The following SIRPD variants were observed in gnomAD, a reference collection of about 807,000 sequenced individuals.
SIRPD encodes the protein signal-regulatory protein delta.
Under a neutral mutation model 18.0 loss-of-function variants are expected in SIRPD, and 21 were observed. The ratio of observed to expected loss-of-function variants is 1.17; its 90% CI spans 0.83 to 1.68. The LOEUF is 1.68. Ranked by LOEUF, SIRPD falls within the 40% of genes most tolerant of loss-of-function variation. The pLI is 0.00. For missense variants in SIRPD, 295 were observed against 238.4 expected (o/e 1.24, Z -1.56); for synonymous variants, 106 against 92.9 (o/e 1.14, Z -0.81).
intron 2 of SIRPD, among the ~76,000 whole-genome samples, chr20:1,544,418 GA>G (rs2090984731): frequency 6.7e-6 from 1 of 149,028 alleles, no homozygotes; most frequent in South Asian, 2.1e-4. Flanking sequence ...TTTTATCAGA[GA>G]CTAGGATTGC....
chr20:1,554,271 C>T (rs1299851179), intron 1 of SIRPD: 1 of 152,614 alleles, frequency 6.6e-6, no homozygotes, highest in African/African-American at 2.4e-5. Flanking sequence ...GGCTATTTCA[C>T]CTGGAACTCT....
chr20:1,535,746 G>T (rs2090942383), intron 3 of SIRPD, among the ~76,000 whole-genome samples: 1 of 152,054 alleles, frequency 6.6e-6, no homozygotes. Context: ...GACTGACATT[G>T]GTGTTTTACT....
chr20:1,538,211 A>C (rs1450215137), intron 2 of SIRPD, among the ~76,000 whole-genome samples: 1 of 152,008 alleles, frequency 6.6e-6, no homozygotes, highest in Non-Finnish European at 1.5e-5. Context: ...GGCTGACCGG[A>C]TGTTGGTGAT....
chr20:1,553,135 C>A (rs1168026673), intron 1 of SIRPD, among the ~76,000 whole-genome samples: 1 of 152,200 alleles, frequency 6.6e-6, no homozygotes, highest in South Asian at 2.1e-4. Flanking sequence ...AATGACTCAA[C>A]CCCTATGGGA....
intron 2 of SIRPD, among the ~76,000 whole-genome samples, chr20:1,540,852 G>A (rs1051025136): frequency 3.3e-5 from 5 of 152,012 alleles, no homozygotes; most frequent in African/African-American, 1.2e-4. Flanking sequence ...ATATGTCCTC[G>A]TTGTTCAACT....
intron 2 of SIRPD, among the ~76,000 whole-genome samples, chr20:1,550,304 T>C (rs993004442): frequency 2.6e-5 from 4 of 152,230 alleles, no homozygotes; most frequent in African/African-American, 9.6e-5. Context: ...GAATAAAATG[T>C]TGACAACATG....
intron 1 of SIRPD, among the ~76,000 whole-genome samples, chr20:1,554,515 A>G (rs1165513515): frequency 2.6e-5 from 4 of 152,204 alleles, no homozygotes; most frequent in African/African-American, 9.7e-5. Flanking sequence ...CTGCATCGGG[A>G]TATGAGGATG....
intron 2 of SIRPD, among the ~76,000 whole-genome samples, chr20:1,544,707 T>C (rs180797495): frequency 2.6e-5 from 4 of 152,344 alleles, no homozygotes; most frequent in Admixed American, 2.0e-4. Context: ...AGTTTCTTCA[T>C]AGTGTCAATA....
intron 1 of SIRPD, among the ~76,000 whole-genome samples, chr20:1,555,928 G>T (rs533254965): frequency 8.5e-5 from 13 of 152,318 alleles, no homozygotes; most frequent in African/African-American, 3.1e-4. Context: ...TTTGACTGGG[G>T]AAGTGTTCAT....
chr20:1,537,869 G>A (rs1482957086), intron 2 of SIRPD, among the ~76,000 whole-genome samples: 1 of 152,134 alleles, frequency 6.6e-6, no homozygotes, highest in African/African-American at 2.4e-5. Context: ...AGGGGAAGAA[G>A]CCTGTGTGTG....
chr20:1,537,670 G>C (rs866514356), intron 2 of SIRPD, among the ~76,000 whole-genome samples: 1 of 152,058 alleles, frequency 6.6e-6, no homozygotes, highest in Non-Finnish European at 1.5e-5. Flanking sequence ...GAGGGCTCCC[G>C]GGAATGGGGC....
chr20:1,540,091 G>T, intron 2 of SIRPD: 1 of 325,188 alleles, frequency 3.1e-6, no homozygotes, highest in South Asian at 2.5e-5. Context: ...GATTTGTTAA[G>T]AATCTGGTAG....
chr20:1,543,537 CTCTA>C (rs1197995012), intron 2 of SIRPD, among the ~76,000 whole-genome samples: 2 of 148,888 alleles, frequency 1.3e-5, no homozygotes, highest in Non-Finnish European at 3.0e-5. Context: ...TATTAATCTA[CTCTA>C]TCTGTTTTGT....
At chr20:1,550,452 C>T (rs59503775) in intron 2 of SIRPD, among the ~76,000 whole-genome samples, 59 of 152,218 alleles carry the variant, frequency 3.9e-4, no homozygotes, top group Middle Eastern at 3.4e-3. Flanking sequence ...CTATCATATA[C>T]TGAAGGTTTA....
intron 2 of SIRPD, among the ~76,000 whole-genome samples, chr20:1,547,227 G>C (rs1241341044): frequency 1.3e-5 from 2 of 152,096 alleles, no homozygotes; most frequent in Non-Finnish European, 2.9e-5. Context: ...TTCTGTGTGT[G>C]GCTATCCAGT....
rs761244702 is a variant in SIRPD, at chr20:1,551,789, G to C, written c.323C>G (p.Ser108Cys). ...TDFSTRIREI[S>C]LADAGTYYCV... ...GTAATAGGTGCCAGCATCAGCAAGA[G>C]AGATTTCACGGATGCGGGTGGAAAA... The change falls in exon 2 of 4, where the codon TCT becomes TGT. Residue 108 changes from serine to cysteine, a missense_variant. Coordinates refer to ENST00000381623, the MANE Select transcript of SIRPD (RefSeq NM_178460.3). The C allele has an allele frequency of 1.2e-5, 19 of 1,614,004 alleles. No individual in the cohort carries two copies. The Admixed American group carries it at 3.2e-4, about 27-fold the overall frequency.
intron 1 of SIRPD, among the ~76,000 whole-genome samples, chr20:1,555,473 G>A (rs1261307874): frequency 1.3e-5 from 2 of 152,178 alleles, no homozygotes; most frequent in Non-Finnish European, 1.5e-5. Flanking sequence ...AGCTAAAAGA[G>A]TAGATTTTAA....
intron 2 of SIRPD, among the ~76,000 whole-genome samples, chr20:1,543,445 G>A (rs1167119548): frequency 7.2e-6 from 1 of 139,664 alleles, no homozygotes; most frequent in Non-Finnish European, 1.5e-5. Flanking sequence ...TTCGCTGATG[G>A]TAGTTTGTAT....
In SIRPD at chr20:1,537,297, T is replaced by C. The variant is rs375031700; in HGVS notation, c.435A>G (p.Arg145=). The change falls in exon 3 of 4, where the codon AGA becomes AGG. Residue 145 remains arginine (R), a synonymous_variant. Transcript: ENST00000381623. ...TQVFVTEQNP[R]PPKNRPAGRA... ...TGCCTGCAGGTCTGTTCTTGGGAGG[T>C]CTTGGATTCTGCTCTGCTGAGAGAG... 7 of 1,613,404 alleles carry C rather than the reference T, an allele frequency of 4.3e-6. No homozygotes were observed. Among genetic ancestry groups the C allele is most frequent in the Non-Finnish European group, 5.9e-6 (7 of 1,179,756 alleles).
Sources: gnomAD v4.1 joint callset for allele counts (sites outside exome capture counted in the v4.1 genomes callset) on GRCh38, gnomAD v4.1.1 for gene constraint, MANE v1.5 for transcripts, NCBI Gene and HGNC (gene_info 2026-07-23, HGNC 2026-07-21) for gene names.